Variants in LHFPL4 observed in about 807,000 individuals in gnomAD.
LHFPL4 encodes the protein LHFPL tetraspan subfamily member 4.
Under a neutral mutation model 20.0 loss-of-function variants are expected in LHFPL4, and 6 were observed. That is an observed-to-expected ratio of 0.30 (90% CI 0.16 to 0.59). LHFPL4 has a LOEUF of 0.59. Among genes scored for constraint, LHFPL4 ranks in the 20% least tolerant of loss-of-function variants. The probability of loss-of-function intolerance (pLI) is 0.88; values close to 1 mark genes in which losing one functional copy is unlikely to be tolerated. For synonymous variants in LHFPL4, 129 were observed against 143.8 expected (o/e 0.90, Z 0.74); for missense variants, 215 against 331.2 (o/e 0.65, Z 2.72).
At chr3:9,524,164 A>AT (rs914770487) in intron 2 of LHFPL4, among the ~76,000 whole-genome samples, 17 of 140,684 alleles carry the variant, frequency 1.2e-4, no homozygotes, top group African/African-American at 4.4e-4. Context: ...ATTATGCTTG[A>AT]TTTTTTCTAG....
chr3:9,519,549 T>C lies in LHFPL4; in HGVS notation c.407-13346A>G, dbSNP rs1574843058. Among the ~76,000 whole-genome samples the C allele has an allele frequency of 2.0e-5, 3 of 152,184 alleles. No individual in the cohort carries two copies. In the South Asian group the frequency reaches 6.2e-4, roughly 31 times the overall value. On this transcript the variant is annotated intron_variant, in intron 2 of 3. Transcript: ENST00000287585. ...GATGCTCTAACTTTTGTTTCTCTGCTTTCTCTCTCGTTCTTTCTCTCTTTT... is the reference window on the plus strand; with the variant it reads ...GATGCTCTAACTTTTGTTTCTCTGCCTTCTCTCTCGTTCTTTCTCTCTTTT...
chr3:9,516,402 G>A (rs978497988), intron 2 of LHFPL4, among the ~76,000 whole-genome samples: 1 of 151,912 alleles, frequency 6.6e-6, no homozygotes, highest in Admixed American at 6.6e-5. Context: ...TATTTATGTG[G>A]GTCTGTTTCT....
chr3:9,521,868 C>T (rs1264386929), intron 2 of LHFPL4, among the ~76,000 whole-genome samples: 3 of 151,834 alleles, frequency 2.0e-5, no homozygotes, highest in African/African-American at 7.3e-5. Context: ...TGGATTTAGA[C>T]CATTATATTC....
At chr3:9,513,343 T>C (rs9835249) in intron 2 of LHFPL4, among the ~76,000 whole-genome samples, 46,618 of 151,736 alleles carry the variant, frequency 0.31, 7,489 homozygotes, top group Non-Finnish European at 0.36. Flanking sequence ...CAGGTCTTGC[T>C]CTGTCACTTG....
In LHFPL4 at chr3:9,532,156, G is replaced by C. The variant is rs1024030572; in HGVS notation, c.406+20118C>G. On this transcript the variant is annotated intron_variant, in intron 2 of 3. Transcript: ENST00000287585. Reference sequence around the variant, plus strand: ...TTCTTGCTCCACAGCCTCCCGAGTAGCTGGGATTACAGGTGTGCACCACTA... The same window carrying C: ...TTCTTGCTCCACAGCCTCCCGAGTACCTGGGATTACAGGTGTGCACCACTA... Among the ~76,000 whole-genome samples, 3 of 151,890 alleles carry C rather than the reference G, an allele frequency of 2.0e-5. 1 individual carries two copies. The South Asian group carries it at 6.3e-4, about 32-fold the overall frequency.
At chr3:9,532,264 G>A (rs944259087) in intron 2 of LHFPL4, among the ~76,000 whole-genome samples, 1 of 152,106 alleles carries the variant, frequency 6.6e-6, no homozygotes, top group Non-Finnish European at 1.5e-5. Context: ...CCTGACCTTA[G>A]GTGATCTGCC....
chr3:9,538,179 C>T (rs2648406), intron 2 of LHFPL4, among the ~76,000 whole-genome samples: 6,272 of 152,260 alleles, frequency 0.041, 158 homozygotes, highest in Non-Finnish European at 0.059. Context: ...CCTGGATCGC[C>T]TTCTTCCCGG....
At chr3:9,523,992 C>T (rs369248488) in intron 2 of LHFPL4, among the ~76,000 whole-genome samples, 11 of 141,440 alleles carry the variant, frequency 7.8e-5, no homozygotes, top group Non-Finnish European at 1.4e-4. Flanking sequence ...TTCCCCCCCC[C>T]CCAACACTTT....
chr3:9,539,809 C>T (rs1433513248), intron 2 of LHFPL4, among the ~76,000 whole-genome samples: 1 of 151,728 alleles, frequency 6.6e-6, no homozygotes, highest in Admixed American at 6.6e-5. Flanking sequence ...TAAGAAATGA[C>T]AGTTTAAAAA....
intron 2 of LHFPL4, among the ~76,000 whole-genome samples, chr3:9,535,857 A>C (rs1021624832): frequency 1.3e-5 from 2 of 152,176 alleles, no homozygotes; most frequent in Admixed American, 6.5e-5. Flanking sequence ...GCTGGAGTGC[A>C]GTAGCATGAT....
chr3:9,521,356 C>G (rs1422845859), intron 2 of LHFPL4, among the ~76,000 whole-genome samples: 1 of 150,792 alleles, frequency 6.6e-6, no homozygotes, highest in East Asian at 1.9e-4. Flanking sequence ...TCCTGAGTAG[C>G]TGGAACTACT....
At chr3:9,520,183 G>A (rs77439642) in intron 2 of LHFPL4, among the ~76,000 whole-genome samples, 3,118 of 152,080 alleles carry the variant, frequency 0.021, 139 homozygotes, top group African/African-American at 0.072. Context: ...TGGCTGCATG[G>A]TAGGGCTCAC....
At chr3:9,535,316 T>C (rs1277939798) in intron 2 of LHFPL4, among the ~76,000 whole-genome samples, 1 of 152,172 alleles carries the variant, frequency 6.6e-6, no homozygotes, top group Admixed American at 6.5e-5. Context: ...ATGGAATAGA[T>C]ACTGTTATTA....
rs1409658681 is a variant in LHFPL4 at position 9,525,412 on chromosome 3, G to A, written c.407-19209C>T. 2.6e-5 allele frequency among the ~76,000 whole-genome samples: 4 copies of A among 152,190 alleles called. No individual in the cohort carries two copies. The East Asian group carries it at 7.7e-4, about 29-fold the overall frequency. Reference sequence around the variant, plus strand: ...TGGGTTCCTTCTGCTCCTGTAAGTTGTGATTCTCTGCACTCACCTGTCTGT... The same window carrying A: ...TGGGTTCCTTCTGCTCCTGTAAGTTATGATTCTCTGCACTCACCTGTCTGT... On this transcript the variant is annotated intron_variant, in intron 2 of 3. Transcript: ENST00000287585.
At chr3:9,522,785 T>C (rs1267694333) in intron 2 of LHFPL4, among the ~76,000 whole-genome samples, 1 of 150,974 alleles carries the variant, frequency 6.6e-6, no homozygotes, top group Admixed American at 6.6e-5. Context: ...CTCACCCCTG[T>C]AATCCCAGCA....
chr3:9,511,391 C>A (rs2125656845), intron 2 of LHFPL4, among the ~76,000 whole-genome samples: 1 of 152,004 alleles, frequency 6.6e-6, no homozygotes, highest in African/African-American at 2.4e-5. Flanking sequence ...AAAATACCAC[C>A]CTCATTATAC....
intron 2 of LHFPL4, among the ~76,000 whole-genome samples, chr3:9,525,614 A>G (rs1251010452): frequency 6.6e-6 from 1 of 152,206 alleles, no homozygotes; most frequent in African/African-American, 2.4e-5. Context: ...TGTGTTTTTT[A>G]TAAAAAGGAT....
Position 9,533,344 on chromosome 3 carries a change from G to T in LHFPL4, c.406+18930C>A, listed in dbSNP as rs189055185. On this transcript the variant is annotated intron_variant, in intron 2 of 3. Coordinates refer to ENST00000287585, the MANE Select transcript of LHFPL4 (RefSeq NM_198560.3). The stretch of plus-strand genomic sequence containing the variant: ...TAACAATGTAATGGATAAATAAATT[G>T]TGCAGTTTACTCCAACAAAATAGTA... Among the ~76,000 whole-genome samples, 264 of 152,308 alleles carry T rather than the reference G, an allele frequency of 1.7e-3. 3 individuals carry two copies. The South Asian group carries it at 0.018, about 10-fold the overall frequency.
At chr3:9,521,441 G>A (rs1209314612) in intron 2 of LHFPL4, among the ~76,000 whole-genome samples, 3 of 150,392 alleles carry the variant, frequency 2.0e-5, no homozygotes, top group Non-Finnish European at 4.4e-5. Context: ...TCACTCTGCT[G>A]CTGGGGCTGG....
Sources: allele counts gnomAD v4.1 joint callset (sites outside exome capture counted in the v4.1 genomes callset), GRCh38; gene constraint gnomAD v4.1.1; transcripts MANE v1.5; gene names NCBI Gene and HGNC (gene_info 2026-07-23, HGNC 2026-07-21).